CTNNA2: variants seen among roughly 807,000 people sequenced by gnomAD.
The protein encoded by CTNNA2 is catenin alpha-2.
A neutral mutation model predicts 101.0 loss-of-function variants in CTNNA2; 42 were observed. That is an observed-to-expected ratio of 0.42 (90% CI 0.32 to 0.54). CTNNA2 has a LOEUF of 0.54. Among genes scored for constraint, CTNNA2 ranks in the 20% least tolerant of loss-of-function variants. The probability of loss-of-function intolerance (pLI) is 0.14; values close to 1 mark genes in which losing one functional copy is unlikely to be tolerated. For missense variants in CTNNA2, 871 were observed against 1,223.1 expected (o/e 0.71, Z 4.29); for synonymous variants, 450 against 456.4 (o/e 0.99, Z 0.18).
At chr2:79,857,557 C>G (rs1234547495) in intron 3 of CTNNA2, among the ~76,000 whole-genome samples, 1 of 152,122 alleles carries the variant, frequency 6.6e-6, no homozygotes, top group African/African-American at 2.4e-5. Context: ...GTCTGATTAG[C>G]TCAATTAGGA....
intron 7 of CTNNA2, among the ~76,000 whole-genome samples, chr2:80,098,068 G>A (rs962787989): frequency 2.6e-5 from 4 of 152,178 alleles, no homozygotes; most frequent in Non-Finnish European, 4.4e-5. Flanking sequence ...TTCCTTTGGA[G>A]GAGGAGAGGC....
Position 80,495,700 on chromosome 2 carries a change from A to G in CTNNA2, c.1291-49282A>G, listed in dbSNP as rs528880225. Among the ~76,000 whole-genome samples, 57 of 152,226 alleles carry G rather than the reference A, an allele frequency of 3.7e-4. 1 individual carries two copies. The South Asian group carries it at 0.012, about 31-fold the overall frequency. On this transcript the variant is annotated intron_variant, in intron 9 of 18. Coordinates refer to ENST00000402739, the MANE Select transcript of CTNNA2 (RefSeq NM_001282597.3). ...ACGCCTATAATCACAGCACTTTGGG[A>G]GGCTGAGGTGGGCAGATTACCTGAG...
intron 9 of CTNNA2, among the ~76,000 whole-genome samples, chr2:80,472,442 T>G (rs1685386345): frequency 6.6e-6 from 1 of 152,134 alleles, no homozygotes; most frequent in Non-Finnish European, 1.5e-5. Context: ...CTGAAGCAAT[T>G]ATAGTGGGAA....
chr2:79,626,197 T>G (rs1489461975), intron 1 of CTNNA2, among the ~76,000 whole-genome samples: 2 of 152,162 alleles, frequency 1.3e-5, no homozygotes, highest in Non-Finnish European at 2.9e-5. Flanking sequence ...GCAAGTGGCC[T>G]TCTGAGGTGG....
At chr2:79,972,043 C>A (rs1690523405) in intron 7 of CTNNA2, among the ~76,000 whole-genome samples, 1 of 152,186 alleles carries the variant, frequency 6.6e-6, no homozygotes, top group Admixed American at 6.5e-5. Context: ...AGTGGCACAG[C>A]ATCACTTCCA....
chr2:80,405,411 T>C (rs1179888915), intron 8 of CTNNA2, among the ~76,000 whole-genome samples: 1 of 152,206 alleles, frequency 6.6e-6, no homozygotes, highest in African/African-American at 2.4e-5. Flanking sequence ...TTAAAGTTGG[T>C]ACACTTTGCT....
chr2:80,317,537 A>G (rs1484056023), intron 7 of CTNNA2, among the ~76,000 whole-genome samples: 2 of 152,146 alleles, frequency 1.3e-5, no homozygotes, highest in Non-Finnish European at 2.9e-5. Context: ...TAACTCTGTA[A>G]AAGCCAAACT....
intron 7 of CTNNA2, among the ~76,000 whole-genome samples, chr2:80,377,353 T>C (rs1446242797): frequency 6.6e-6 from 1 of 152,248 alleles, no homozygotes; most frequent in Admixed American, 6.5e-5. Context: ...ATTTGCTTAT[T>C]GGATACCATT....
chr2:80,068,628 A>C (rs1191889830), intron 7 of CTNNA2, among the ~76,000 whole-genome samples: 1 of 152,204 alleles, frequency 6.6e-6, no homozygotes, highest in Non-Finnish European at 1.5e-5. Flanking sequence ...TGTATTTTTT[A>C]CTTGATACTG....
Position 79,816,915 on chromosome 2 carries a change from T to C in CTNNA2, c.299-41098T>C, listed in dbSNP as rs192379366. Among the ~76,000 whole-genome samples, 74 of 152,328 alleles carry C rather than the reference T, an allele frequency of 4.9e-4. No individual in the cohort carries two copies. In the East Asian group the frequency reaches 5.0e-3, roughly 10 times the overall value. On this transcript the variant is annotated intron_variant, in intron 3 of 18. Transcript: ENST00000402739. ...CTTACGATGTTCAAATCATAACTTT[T>C]TCCCCTGTCCTAATGTGTACCTCCT... is the stretch of plus-strand genomic sequence containing the variant.
intron 7 of CTNNA2, among the ~76,000 whole-genome samples, chr2:80,042,658 ATAGT>A (rs1464487610): frequency 6.6e-6 from 1 of 152,170 alleles, no homozygotes; most frequent in Non-Finnish European, 1.5e-5. Context: ...GATACCTGTC[ATAGT>A]TAGGTGTGAG....
intron 8 of CTNNA2, among the ~76,000 whole-genome samples, chr2:80,403,875 G>A (rs1193156640): frequency 6.6e-6 from 1 of 152,162 alleles, no homozygotes; most frequent in Admixed American, 6.5e-5. Context: ...CTCATGTGAT[G>A]TTTGTCTTTA....
intron 9 of CTNNA2, among the ~76,000 whole-genome samples, chr2:80,428,464 C>T (rs2149421511): frequency 6.6e-6 from 1 of 152,190 alleles, no homozygotes; most frequent in East Asian, 1.9e-4. Context: ...GCTCAATTTT[C>T]CTGTATTTTG....
At chr2:80,307,485 A>T (rs922750090) in intron 7 of CTNNA2, among the ~76,000 whole-genome samples, 1 of 152,280 alleles carries the variant, frequency 6.6e-6, no homozygotes, top group African/African-American at 2.4e-5. Flanking sequence ...AAAAAAGAAA[A>T]AAAAAGCTCA....
intron 7 of CTNNA2, among the ~76,000 whole-genome samples, chr2:80,179,493 C>A (rs1051583552): frequency 6.6e-6 from 1 of 152,154 alleles, no homozygotes; most frequent in African/African-American, 2.4e-5. Flanking sequence ...CCTGCCTCAG[C>A]CTCCCGAATA....
At chr2:80,157,203 G>A (rs559227504) in intron 7 of CTNNA2, among the ~76,000 whole-genome samples, 23 of 152,266 alleles carry the variant, frequency 1.5e-4, no homozygotes, top group African/African-American at 5.3e-4. Context: ...CATAAGAGGG[G>A]ATGAATGAGG....
intron 7 of CTNNA2, among the ~76,000 whole-genome samples, chr2:80,281,525 A>G (rs1352699156): frequency 6.6e-6 from 1 of 152,066 alleles, no homozygotes; most frequent in African/African-American, 2.4e-5. Context: ...TGTCCTCCAA[A>G]CCTTCATACA....
chr2:79,588,114 T>G (rs2103959780), intron 1 of CTNNA2, among the ~76,000 whole-genome samples: 1 of 152,308 alleles, frequency 6.6e-6, no homozygotes, highest in African/African-American at 2.4e-5. Context: ...GATGAACATA[T>G]TCACACATTT....
intron 7 of CTNNA2, among the ~76,000 whole-genome samples, chr2:80,148,921 C>T (rs1289428672): frequency 6.6e-6 from 1 of 151,878 alleles, no homozygotes; most frequent in Non-Finnish European, 1.5e-5. Context: ...GGATGGAAAT[C>T]TCTTTCACCT....
Sources: allele counts gnomAD v4.1 joint callset (sites outside exome capture counted in the v4.1 genomes callset), GRCh38; gene constraint gnomAD v4.1.1; transcripts MANE v1.5; gene names NCBI Gene and HGNC (gene_info 2026-07-23, HGNC 2026-07-21).